Variants in HUWE1 observed in about 807,000 individuals in gnomAD.
HUWE1 encodes E3 ubiquitin-protein ligase HUWE1.
In HUWE1, 18 loss-of-function variants were observed where a neutral mutation model predicts 299.4. That is an observed-to-expected ratio of 0.06 (90% CI 0.04 to 0.09). The LOEUF (loss-of-function observed/expected upper bound fraction) is 0.09. Among genes scored for constraint, HUWE1 ranks in the 10% least tolerant of loss-of-function variants. The pLI is 1.00. For missense variants in HUWE1, 1,832 were observed against 3,462.3 expected, an observed-to-expected ratio of 0.53 and a Z score of 11.82; for synonymous variants, 1,317 against 1,286.1, an observed-to-expected ratio of 1.02 and a Z score of -0.51.
At chrX:53,573,578 G>A (rs1465834422) in intron 47 of HUWE1, among the ~76,000 whole-genome samples, 172 bp downstream of exon 47, 2 of 112,617 alleles carry the variant, frequency 1.8e-5, no homozygotes, top group African/African-American at 6.5e-5. Context: ...AAAGTGCTGG[G>A]ATTACAGGCG....
chrX:53,558,474 T>A (rs966536093), intron 59 of HUWE1, among the ~76,000 whole-genome samples, 181 bp downstream of exon 59: 5 of 112,145 alleles, frequency 4.5e-5, no homozygotes, highest in Non-Finnish European at 9.4e-5. Context: ...ATCTCCCCTC[T>A]AGGTTTGAAT....
intron 7 of HUWE1, among the ~76,000 whole-genome samples, chrX:53,636,867 C>G (rs782703059): frequency 8.9e-6 from 1 of 112,142 alleles, no homozygotes; most frequent in Non-Finnish European, 1.9e-5. Flanking sequence ...ATAGATGGCA[C>G]AATTGACAGT....
chrX:53,605,605 C>T (rs1556995996), intron 25 of HUWE1, among the ~76,000 whole-genome samples: 1 of 112,504 alleles, frequency 8.9e-6, no homozygotes, highest in African/African-American at 3.2e-5. Context: ...AAAGGAGTTT[C>T]ACAGATTTAA....
chrX:53,652,461 A>G (rs1317086024), intron 4 of HUWE1, among the ~76,000 whole-genome samples: 1 of 111,903 alleles, frequency 8.9e-6, no homozygotes, highest in African/African-American at 3.2e-5. Flanking sequence ...TCTAGTTCTT[A>G]TATACACTAG....
chrX:53,532,237 GCAGA>G lies in HUWE1; in HGVS notation c.*1068_*1071del, dbSNP rs2060810194. 8.9e-6 allele frequency: 1 copy of G among 111,990 alleles called. No homozygotes were observed. The highest frequency in any genetic ancestry group is 3.2e-5 in the African/African-American group (1 of 30,773). The allele number at this position is 111,990 out of a possible 1,213,427, so 9.2% of individuals were successfully genotyped here. On this transcript the variant is annotated 3_prime_UTR_variant, in exon 84 of 84. Coordinates refer to ENST00000262854, the MANE Select transcript of HUWE1 (RefSeq NM_031407.7). Reference sequence around the variant, plus strand: ...TACAAGGTGATCTGTGAACAGACTGGCAGACAGATGACGAGAGAGGGAGTGACGA... The same window carrying G: ...TACAAGGTGATCTGTGAACAGACTGGCAGATGACGAGAGAGGGAGTGACGA...
At chrX:53,578,925 GC>G (rs2063413459) in intron 43 of HUWE1, among the ~76,000 whole-genome samples, 1 of 73,827 alleles carries the variant, frequency 1.4e-5, no homozygotes, top group Non-Finnish European at 2.7e-5. Flanking sequence ...CCCCCGCCTG[GC>G]CAGCCGCCCC....
Position 53,685,201 on chromosome X carries a change from TA to T in HUWE1, c.-163+1068del, listed in dbSNP as rs201184325. ...CCCTATCTTTACTTACGTTTTAAAA[TA>T]TTTTTTTTCAGTTATTCTTAGCCAT... On this transcript the variant is annotated intron_variant, in intron 2 of 83. Coordinates refer to ENST00000262854, the MANE Select transcript of HUWE1 (RefSeq NM_031407.7). Among the ~76,000 whole-genome samples, 252 of 112,565 alleles carry T rather than the reference TA, an allele frequency of 2.2e-3. 3 individuals are homozygous for T. The highest frequency in any genetic ancestry group is 0.022 in the Admixed American group (234 of 10,635).
At chrX:53,645,953 C>G (rs782305491) in intron 6 of HUWE1, among the ~76,000 whole-genome samples, 1 of 108,518 alleles carries the variant, frequency 9.2e-6, no homozygotes, top group African/African-American at 3.3e-5. Flanking sequence ...CATTAAGTCT[C>G]TAACTGGACT....
chrX:53,556,477 C>A, intron 60 of HUWE1: 2 of 298,931 alleles, frequency 6.7e-6, no homozygotes, highest in Non-Finnish European at 1.3e-5. Flanking sequence ...TTGGTACAAT[C>A]ATTTTCCAAC....
At chrX:53,535,989 G>C in intron 80 of HUWE1, 158 bp downstream of exon 80, 1 of 261,887 alleles carries the variant, frequency 3.8e-6, no homozygotes, top group Non-Finnish European at 7.1e-6. Flanking sequence ...TGGTTTTCCT[G>C]TTTGTGATGT....
Position 53,535,412 on chromosome X carries a change from T to C in HUWE1, c.12621A>G (p.Val4207=). The stretch of plus-strand genomic sequence containing the variant: ...TCATTCTCATCTGGCATACCAGGTG[T>C]ACATACTCCTTCTTATTCTCCTCTG... The part of the protein sequence containing the change: ...LVTEENKKEY[V]HLVCQMRMTG... The change falls in exon 81 of 84, where the codon GTA becomes GTG. Residue 4207 remains valine, a synonymous_variant. Transcript: ENST00000262854. 8.3e-7 allele frequency: 1 copy of C among 1,198,705 alleles called. No homozygotes were observed. The highest frequency in any genetic ancestry group is 1.1e-6 in the Non-Finnish European group (1 of 883,610).
At chrX:53,635,823 AAAAC>A (rs1228533563) in intron 7 of HUWE1, among the ~76,000 whole-genome samples, 7 of 111,842 alleles carry the variant, frequency 6.3e-5, no homozygotes, top group Admixed American at 1.9e-4. Flanking sequence ...AGAAGTCTCA[AAAAC>A]AAACAGTGTA....
At chrX:53,649,323 A>G (rs185661030) in intron 4 of HUWE1, among the ~76,000 whole-genome samples, 2 of 112,158 alleles carry the variant, frequency 1.8e-5, no homozygotes, top group East Asian at 5.6e-4. Flanking sequence ...CATACTATTA[A>G]AAAGAGTATG....
chrX:53,663,525 T>A (rs890110317), intron 3 of HUWE1, among the ~76,000 whole-genome samples: 4 of 109,470 alleles, frequency 3.7e-5, no homozygotes, highest in Non-Finnish European at 7.6e-5. Context: ...GGGGAAAAAA[T>A]ATATATATAG....
At chrX:53,684,627 A>C (rs2070373800) in intron 2 of HUWE1, among the ~76,000 whole-genome samples, 1 of 112,608 alleles carries the variant, frequency 8.9e-6, no homozygotes, top group Admixed American at 9.3e-5. Flanking sequence ...GAAGCGGAGC[A>C]AAGAGTCCCC....
At chrX:53,598,476 C>A (rs2064626189) in intron 29 of HUWE1, among the ~76,000 whole-genome samples, 1 of 111,444 alleles carries the variant, frequency 9.0e-6, no homozygotes, top group Admixed American at 9.5e-5. Context: ...CATCCCCCCA[C>A]TTCCTTCCTC....
At position 53,595,308 on chromosome X, in the gene HUWE1, C is replaced by A. The variant is rs781983994; in HGVS notation, c.3259G>T (p.Ala1087Ser). The A allele has an allele frequency of 8.3e-7, 1 of 1,210,793 alleles. No homozygotes were observed. Among genetic ancestry groups the A allele is most frequent in the Non-Finnish European group, 1.1e-6 (1 of 895,057 alleles). Reference sequence around the variant, plus strand: ...GTCGGTGCTGTAGTGGTGCTGGCAGCATGATGGCTCCTTCTCTGGCGGACA... The same window carrying A: ...GTCGGTGCTGTAGTGGTGCTGGCAGAATGATGGCTCCTTCTCTGGCGGACA... ...SPVRQRRSHH[A>S]ASTTTAPTPA... The change falls in exon 30 of 84, where the codon GCT (alanine) becomes TCT (serine). Residue 1087 changes from alanine to serine, a missense_variant. Transcript: ENST00000262854.
At position 53,570,181 on chromosome X, in the gene HUWE1, C is replaced by A. The variant is rs182007117; in HGVS notation, c.6313-354G>T. Among the ~76,000 whole-genome samples, 118 of 110,408 alleles carry A rather than the reference C, an allele frequency of 1.1e-3. 1 individual carries two copies. Among genetic ancestry groups the A allele is most frequent in the African/African-American group, 3.7e-3 (106 of 28,915 alleles). On this transcript the variant is annotated intron_variant, in intron 47 of 83. Transcript: ENST00000262854. Reference sequence around the variant, plus strand: ...CAGGCCAGAGTACAGTGGCTATTCACAGGCATGATCATCGCACACCACAGT... The same window carrying A: ...CAGGCCAGAGTACAGTGGCTATTCAAAGGCATGATCATCGCACACCACAGT...
Position 53,632,472 on chromosome X carries a change from C to T in HUWE1, c.645+15G>A, listed in dbSNP as rs1557023591. On this transcript the variant is annotated intron_variant, in intron 9 of 83. Transcript: ENST00000262854. ...AATTGTAGACTTTGTCAGAACAAAT[C>T]TGAATCAGACTCACCCTTTTCTCAA... 8.6e-7 allele frequency: 1 copy of T among 1,158,653 alleles called. No homozygotes were observed. The highest frequency in any genetic ancestry group is 1.2e-6 in the Non-Finnish European group (1 of 846,997).
Sources: allele counts gnomAD v4.1 joint callset (sites outside exome capture counted in the v4.1 genomes callset), GRCh38; gene constraint gnomAD v4.1.1; transcripts MANE v1.5; gene names NCBI Gene and HGNC (gene_info 2026-07-23, HGNC 2026-07-21).